TMC1: variants seen among roughly 807,000 people sequenced by gnomAD.
The protein encoded by TMC1 is transmembrane channel like 1.
TMC1 carries 84 observed loss-of-function variants against 105.8 expected under a neutral mutation model. That is an observed-to-expected ratio of 0.79 (90% CI 0.67 to 0.95). TMC1 has a LOEUF of 0.95. Among genes scored for constraint, TMC1 ranks in the 40% least tolerant of loss-of-function variants. TMC1 has a pLI of 0.00. For missense variants in TMC1, 817 were observed against 914.1 expected (o/e 0.89, Z 1.37); for synonymous variants, 315 against 311.5 (o/e 1.01, Z -0.12).
chr9:72,538,093 T>C (rs1823613885), intron 1 of TMC1, among the ~76,000 whole-genome samples: 2 of 150,988 alleles, frequency 1.3e-5, no homozygotes, highest in African/African-American at 4.9e-5. Flanking sequence ...GAGGCAGAGG[T>C]TGCAGTGAGC....
chr9:72,574,777 G>A (rs1824346781), intron 1 of TMC1, among the ~76,000 whole-genome samples: 1 of 152,220 alleles, frequency 6.6e-6, no homozygotes. Context: ...GCTTCTCTGA[G>A]AAGTATTCTC....
chr9:72,656,793 C>T (rs1314001969), intron 5 of TMC1, among the ~76,000 whole-genome samples: 1 of 152,060 alleles, frequency 6.6e-6, no homozygotes, highest in Non-Finnish European at 1.5e-5. Context: ...TTTTTCCCCC[C>T]TCCGGGATGC....
At chr9:72,676,684 C>G (rs1826208451) in intron 5 of TMC1, among the ~76,000 whole-genome samples, 1 of 152,134 alleles carries the variant, frequency 6.6e-6, no homozygotes, top group South Asian at 2.1e-4. Context: ...CTTGAGTTGA[C>G]TTTTCTAGTT....
At chr9:72,768,882 C>A (rs546279944) in intron 12 of TMC1, among the ~76,000 whole-genome samples, 7 of 152,266 alleles carry the variant, frequency 4.6e-5, no homozygotes, top group Middle Eastern at 3.4e-3. Flanking sequence ...TGGGGGGTGA[C>A]CCCCTCTGAA....
At chr9:72,543,076 G>A (rs776662259) in intron 1 of TMC1, among the ~76,000 whole-genome samples, 2 of 152,156 alleles carry the variant, frequency 1.3e-5, no homozygotes, top group African/African-American at 4.8e-5. Context: ...AAGGTGTCAT[G>A]TTACATTTTA....
chr9:72,617,824 A>G (rs1825159728), intron 3 of TMC1, among the ~76,000 whole-genome samples: 1 of 151,882 alleles, frequency 6.6e-6, no homozygotes, highest in Non-Finnish European at 1.5e-5. Flanking sequence ...GCCAGTGGTA[A>G]TCTCCAGGAA....
intron 18 of TMC1, among the ~76,000 whole-genome samples, chr9:72,806,910 G>C (rs1022611687): frequency 6.6e-6 from 1 of 152,226 alleles, no homozygotes; most frequent in Non-Finnish European, 1.5e-5. Context: ...GGCCAAGGCA[G>C]GCGGCTGGGA....
rs568581072 is a variant in TMC1, at chr9:72,834,010, C to T, written c.2261-1941C>T. On this transcript the variant is annotated intron_variant, in intron 23 of 23. Coordinates refer to ENST00000297784, the MANE Select transcript of TMC1 (RefSeq NM_138691.3). ...AATTTTCTTGAATTGTTTACAAATT[C>T]TTTCCATCCATTTTCTGTTTTTTTT... Among the ~76,000 whole-genome samples, 4 of 145,994 alleles carry T rather than the reference C, an allele frequency of 2.7e-5. No homozygotes were observed. In the South Asian group the frequency reaches 8.6e-4, roughly 32 times the overall value.
chr9:72,628,283 G>A (rs1825385485), intron 4 of TMC1: 1 of 271,820 alleles, frequency 3.7e-6, no homozygotes, highest in African/African-American at 2.3e-5. Context: ...TTTGAGGTAG[G>A]GCGAGAGGGA....
intron 8 of TMC1, among the ~76,000 whole-genome samples, chr9:72,720,182 A>AG (rs1270073832): frequency 3.9e-5 from 6 of 152,206 alleles, no homozygotes; most frequent in Non-Finnish European, 7.3e-5. Flanking sequence ...AATAATTGTC[A>AG]GACAATTAAT....
chr9:72,803,819 T>A lies in TMC1; in HGVS notation c.1567-1563T>A, dbSNP rs150347443. Among the ~76,000 whole-genome samples the A allele has an allele frequency of 4.3e-3, 662 of 152,326 alleles. 7 individuals carry two copies. The highest frequency in any genetic ancestry group is 0.015 in the African/African-American group (632 of 41,586). On this transcript the variant is annotated intron_variant, in intron 17 of 23. Coordinates refer to ENST00000297784, the MANE Select transcript of TMC1 (RefSeq NM_138691.3). ...TTAATTCAAACATTGTGGAAGACAG[T>A]GTGGCAATTCCTTAAAGACCTAGAA...
intron 1 of TMC1, among the ~76,000 whole-genome samples, chr9:72,547,873 T>C (rs1407115131): frequency 1.3e-5 from 2 of 152,210 alleles, no homozygotes; most frequent in Non-Finnish European, 2.9e-5. Flanking sequence ...AGTAAACATT[T>C]ATTTCTCACA....
intron 2 of TMC1, among the ~76,000 whole-genome samples, chr9:72,584,017 C>T (rs1049865560): frequency 3.3e-5 from 5 of 152,090 alleles, no homozygotes; most frequent in African/African-American, 1.2e-4. Context: ...ATGTTCCTGG[C>T]AGGGGGGTTA....
At chr9:72,830,354 C>T in intron 21 of TMC1, 97 bp from the exon 22 acceptor site, 4 of 856,252 alleles carry the variant, frequency 4.7e-6, no homozygotes, top group South Asian at 2.9e-5. Flanking sequence ...TGTTCATTCC[C>T]ATGCTGATAT....
intron 8 of TMC1, among the ~76,000 whole-genome samples, chr9:72,736,819 G>T (rs961490725): frequency 5.9e-5 from 9 of 151,802 alleles, no homozygotes; most frequent in Admixed American, 1.3e-4. Context: ...ATGCAAAATT[G>T]GGCAATAAAA....
intron 12 of TMC1, among the ~76,000 whole-genome samples, chr9:72,771,997 G>A (rs1022221383): frequency 1.3e-5 from 2 of 152,100 alleles, no homozygotes; most frequent in East Asian, 1.9e-4. Flanking sequence ...TCTAATTATG[G>A]TCAGGTGATT....
chr9:72,605,559 C>T (rs1824897964), intron 2 of TMC1, among the ~76,000 whole-genome samples: 1 of 150,260 alleles, frequency 6.7e-6, no homozygotes, highest in East Asian at 2.0e-4. Context: ...AATTTATAAG[C>T]ATTCCAGTCA....
chr9:72,694,504 C>A, intron 6 of TMC1, 39 bp from the exon 7 acceptor site: 1 of 1,599,446 alleles, frequency 6.3e-7, no homozygotes, highest in Non-Finnish European at 8.5e-7. Context: ...GGAGGAAGCA[C>A]TTTCTGACAT....
intron 1 of TMC1, among the ~76,000 whole-genome samples, chr9:72,533,885 C>A (rs964319720): frequency 6.6e-6 from 1 of 152,142 alleles, no homozygotes; most frequent in African/African-American, 2.4e-5. Context: ...GTAATCCCAG[C>A]ACTTTGGGAG....
Sources: allele counts gnomAD v4.1 joint callset (sites outside exome capture counted in the v4.1 genomes callset), GRCh38; gene constraint gnomAD v4.1.1; transcripts MANE v1.5; gene names NCBI Gene and HGNC (gene_info 2026-07-23, HGNC 2026-07-21).